Variants in MALRD1 observed in about 807,000 individuals in gnomAD.
The protein encoded by MALRD1 is MAM and LDL receptor class A domain containing 1, also known as MAM and LDL-receptor class A domain-containing protein 1.
In MALRD1, 247 loss-of-function variants were observed where a neutral mutation model predicts 242.1. That is an observed-to-expected ratio of 1.02 (90% CI 0.92 to 1.13). MALRD1 has a LOEUF of 1.13. Among genes scored for constraint, MALRD1 ranks in the 50% most tolerant of loss-of-function variants. MALRD1 has a pLI of 0.00. For missense variants in MALRD1, 2,989 were observed against 2,533.1 expected, an observed-to-expected ratio of 1.18 and a Z score of -3.86; for synonymous variants, 995 against 866.6, an observed-to-expected ratio of 1.15 and a Z score of -2.60.
intron 12 of MALRD1, among the ~76,000 whole-genome samples, chr10:19,163,612 G>A (rs1834539513): frequency 6.6e-6 from 1 of 152,104 alleles, no homozygotes; most frequent in Non-Finnish European, 1.5e-5. Context: ...ACACGTGTTT[G>A]CCTATGTAAC....
chr10:19,248,931 A>G (rs1217054978), intron 18 of MALRD1, among the ~76,000 whole-genome samples: 1 of 147,314 alleles, frequency 6.8e-6, no homozygotes, highest in African/African-American at 2.5e-5. Flanking sequence ...TTTAATTTAT[A>G]TTATATATTT....
At chr10:19,246,269 A>G (rs1473803092) in intron 18 of MALRD1, among the ~76,000 whole-genome samples, 1 of 152,180 alleles carries the variant, frequency 6.6e-6, no homozygotes, top group Non-Finnish European at 1.5e-5. Flanking sequence ...CAGCTAGCAT[A>G]AATATTCAGA....
chr10:19,429,703 C>T (rs140051937), intron 28 of MALRD1, among the ~76,000 whole-genome samples: 54 of 152,274 alleles, frequency 3.5e-4, no homozygotes, highest in East Asian at 2.9e-3. Flanking sequence ...TACCCCCATA[C>T]GTTCAATTAT....
chr10:19,569,248 C>G (rs1440019999), intron 33 of MALRD1, among the ~76,000 whole-genome samples: 1 of 152,052 alleles, frequency 6.6e-6, no homozygotes, highest in East Asian at 1.9e-4. Flanking sequence ...TTAGCTAGGC[C>G]TTTTAGGGTC....
At chr10:19,388,497 C>T (rs1846183987) in intron 27 of MALRD1, among the ~76,000 whole-genome samples, 1 of 152,112 alleles carries the variant, frequency 6.6e-6, no homozygotes, top group South Asian at 2.1e-4. Context: ...ATTAGCAAGT[C>T]ATTTAAATTT....
intron 32 of MALRD1, among the ~76,000 whole-genome samples, chr10:19,542,313 A>G (rs1245289967): frequency 1.3e-5 from 2 of 152,220 alleles, no homozygotes; most frequent in East Asian, 3.9e-4. Flanking sequence ...TTTTTATTTC[A>G]TGAAAGCCAC....
At chr10:19,057,647 T>C (rs1834707491) in intron 1 of MALRD1, among the ~76,000 whole-genome samples, 1 of 152,140 alleles carries the variant, frequency 6.6e-6, no homozygotes, top group Non-Finnish European at 1.5e-5. Flanking sequence ...GAAAAAAGAC[T>C]CATGACAAGA....
At chr10:19,334,690 C>G (rs372137238) in intron 24 of MALRD1, among the ~76,000 whole-genome samples, 1 of 151,988 alleles carries the variant, frequency 6.6e-6, no homozygotes, top group Non-Finnish European at 1.5e-5. Flanking sequence ...TACTTTGCTA[C>G]TCTGGAATTC....
At chr10:19,237,811 A>C (rs1838431895) in intron 18 of MALRD1, among the ~76,000 whole-genome samples, 1 of 123,778 alleles carries the variant, frequency 8.1e-6, no homozygotes, top group African/African-American at 3.1e-5. Context: ...TTATAATTAT[A>C]TAGAATTTTA....
intron 1 of MALRD1, among the ~76,000 whole-genome samples, chr10:19,050,094 T>TG (rs1372459921): frequency 6.9e-6 from 1 of 145,172 alleles, no homozygotes; most frequent in Non-Finnish European, 1.5e-5. Context: ...TTTTTTTTTT[T>TG]TTTTTTTTTT....
intron 36 of MALRD1, among the ~76,000 whole-genome samples, chr10:19,621,177 C>T (rs780584605): frequency 1.7e-4 from 26 of 151,066 alleles, no homozygotes; most frequent in Non-Finnish European, 3.3e-4. Flanking sequence ...CTTCCCCTCC[C>T]CACCCAAAAA....
chr10:19,247,443 G>A (rs1293201979), intron 18 of MALRD1, among the ~76,000 whole-genome samples: 2 of 151,854 alleles, frequency 1.3e-5, no homozygotes, highest in Admixed American at 6.6e-5. Flanking sequence ...GATTTCTAGA[G>A]TAAAACAGAC....
chr10:19,461,123 A>G (rs900856532), intron 29 of MALRD1, among the ~76,000 whole-genome samples: 3 of 152,176 alleles, frequency 2.0e-5, no homozygotes, highest in African/African-American at 7.2e-5. Context: ...AAATGAATAG[A>G]TATTGAAAAA....
intron 29 of MALRD1, among the ~76,000 whole-genome samples, chr10:19,481,617 A>T (rs1016312202): frequency 1.1e-4 from 17 of 152,130 alleles, no homozygotes; most frequent in Non-Finnish European, 2.9e-5. Flanking sequence ...TTCTTCCTTT[A>T]TGTAAATATG....
intron 36 of MALRD1, among the ~76,000 whole-genome samples, chr10:19,627,021 A>G (rs1839683566): frequency 6.6e-6 from 1 of 152,148 alleles, no homozygotes; most frequent in East Asian, 1.9e-4. Context: ...ACACTTGGAA[A>G]AGAATAAAAA....
At chr10:19,702,569 A>T (rs1833675768) in intron 38 of MALRD1, among the ~76,000 whole-genome samples, 1 of 152,214 alleles carries the variant, frequency 6.6e-6, no homozygotes. Flanking sequence ...GCCGAAGATT[A>T]TCTAGAATTT....
chr10:19,449,069 C>T (rs1185928513), intron 28 of MALRD1, among the ~76,000 whole-genome samples: 1 of 152,136 alleles, frequency 6.6e-6, no homozygotes, highest in African/African-American at 2.4e-5. Flanking sequence ...ACTAGAAACC[C>T]AAGGCCTCAG....
At chr10:19,183,534 A>C (rs1404367486) in intron 14 of MALRD1, among the ~76,000 whole-genome samples, 1 of 152,166 alleles carries the variant, frequency 6.6e-6, no homozygotes, top group Non-Finnish European at 1.5e-5. Context: ...TTAATATTTT[A>C]ATGCTATTTA....
intron 36 of MALRD1, among the ~76,000 whole-genome samples, chr10:19,663,454 C>G (rs1050768793): frequency 1.3e-5 from 2 of 152,062 alleles, no homozygotes; most frequent in African/African-American, 4.8e-5. Context: ...GATTCCATGA[C>G]TCTGCTATTG....
Sources: allele counts gnomAD v4.1 joint callset (sites outside exome capture counted in the v4.1 genomes callset), GRCh38; gene constraint gnomAD v4.1.1; transcripts MANE v1.5; gene names NCBI Gene and HGNC (gene_info 2026-07-23, HGNC 2026-07-21).